Variants in LASP1 observed in about 807,000 individuals in gnomAD.
LASP1 encodes LIM and SH3 domain protein 1.
Under a neutral mutation model 38.6 loss-of-function variants are expected in LASP1, and 10 were observed. That is an observed-to-expected ratio of 0.26 (90% CI 0.16 to 0.44). The LOEUF (loss-of-function observed/expected upper bound fraction) is 0.44. Ranked by LOEUF, LASP1 falls within the 20% of genes least tolerant of loss-of-function variation. The probability of loss-of-function intolerance (pLI) is 1.00; values close to 1 mark genes in which losing one functional copy is unlikely to be tolerated. For missense variants in LASP1, 243 were observed against 375.7 expected, an observed-to-expected ratio of 0.65 and a Z score of 2.92; for synonymous variants, 132 against 140.8, an observed-to-expected ratio of 0.94 and a Z score of 0.44.
rs1598126749 is a variant in LASP1 at position 38,921,025 on chromosome 17, G to C, written c.*2247G>C. The stretch of plus-strand genomic sequence containing the variant: ...AAGCCAGTCATGGAATCTTGCTGCA[G>C]GCCCTCCCTCTACTCTTCCTGTCCT... On this transcript the variant is annotated 3_prime_UTR_variant, in exon 7 of 7. Transcript: ENST00000318008. The C allele has an allele frequency of 8.6e-6, 2 of 231,924 alleles. No individual in the cohort carries two copies. The highest frequency in any genetic ancestry group is 3.6e-4 in the South Asian group (2 of 5,512). 14.4% of individuals were successfully genotyped at this position (231,924 alleles called of 1,614,324 possible). A position where few individuals can be genotyped will look rare whatever the true frequency, so the allele number is the denominator to read the frequency against.
At chr17:38,898,938 G>A (rs1389555205) in intron 4 of LASP1, 12 of 361,258 alleles carry the variant, frequency 3.3e-5, no homozygotes, top group Non-Finnish European at 1.6e-5. Flanking sequence ...CCCTTCCTTG[G>A]CCTCCTCCCC....
chr17:38,887,324 G>A (rs980882804), intron 2 of LASP1, among the ~76,000 whole-genome samples: 4 of 152,008 alleles, frequency 2.6e-5, no homozygotes, highest in African/African-American at 4.8e-5. Flanking sequence ...GGGTCGTCTC[G>A]TCTCTGAAGC....
At chr17:38,899,789 G>A (rs1015707074) in intron 4 of LASP1, among the ~76,000 whole-genome samples, 2 of 141,832 alleles carry the variant, frequency 1.4e-5, no homozygotes, top group African/African-American at 2.6e-5. Flanking sequence ...CTGTTGCTCA[G>A]GCTGGAGTGC....
At chr17:38,905,408 C>T (rs970366940) in intron 4 of LASP1, among the ~76,000 whole-genome samples, 3 of 151,318 alleles carry the variant, frequency 2.0e-5, no homozygotes, top group East Asian at 1.9e-4. Flanking sequence ...CACTCGGTGG[C>T]GCAATCCCAG....
intron 3 of LASP1, among the ~76,000 whole-genome samples, chr17:38,892,699 G>A (rs1025159580): frequency 5.9e-5 from 9 of 152,220 alleles, no homozygotes; most frequent in Non-Finnish European, 1.2e-4. Context: ...GGGGTTTGAG[G>A]AGGAAGCACC....
chr17:38,881,847 A>G (rs969840545), intron 2 of LASP1, among the ~76,000 whole-genome samples: 4 of 152,222 alleles, frequency 2.6e-5, no homozygotes, highest in African/African-American at 9.7e-5. Context: ...GCTGGTCAAG[A>G]AAGAAGAAAG....
intron 1 of LASP1, among the ~76,000 whole-genome samples, chr17:38,871,812 GCACGAGGAAAGTTGTTGAT>G (rs1463940714): frequency 1.3e-5 from 2 of 152,048 alleles, no homozygotes; most frequent in African/African-American, 4.8e-5. Flanking sequence ...TATATTGTGG[GCACGAGGAAAGTTGTTGAT>G]CTCCCCATGA....
At chr17:38,906,357 G>A (rs1040981221) in intron 4 of LASP1, among the ~76,000 whole-genome samples, 9 of 151,702 alleles carry the variant, frequency 5.9e-5, no homozygotes, top group South Asian at 2.1e-4. Flanking sequence ...GCAAACCCCC[G>A]CGTCCACTAA....
intron 5 of LASP1, among the ~76,000 whole-genome samples, chr17:38,914,677 GACACAC>G (rs10599326): frequency 0.42 from 61,179 of 146,556 alleles, 12,779 homozygotes; most frequent in East Asian, 0.63. Context: ...GCGAGAGACA[GACACAC>G]ACACACACAC....
At chr17:38,892,931 C>T (rs1211939399) in intron 3 of LASP1, among the ~76,000 whole-genome samples, 1 of 152,186 alleles carries the variant, frequency 6.6e-6, no homozygotes, top group Non-Finnish European at 1.5e-5. Flanking sequence ...TAGGGCCTCA[C>T]TGAGGGCCAG....
chr17:38,875,530 C>A (rs530113684), intron 1 of LASP1, among the ~76,000 whole-genome samples: 2 of 152,134 alleles, frequency 1.3e-5, no homozygotes, highest in Admixed American at 6.6e-5. Context: ...AAGCTTAGAC[C>A]CGCCACTTCT....
intron 4 of LASP1, among the ~76,000 whole-genome samples, chr17:38,910,745 C>CA (rs1914915175): frequency 3.8e-5 from 1 of 26,268 alleles, no homozygotes. Flanking sequence ...TTTTTTTAAA[C>CA]AGAGTCTCAG....
chr17:38,872,127 C>T (rs1272847172), intron 1 of LASP1, among the ~76,000 whole-genome samples: 1 of 152,130 alleles, frequency 6.6e-6, no homozygotes, highest in Non-Finnish European at 1.5e-5. Context: ...CTGCTCCCAC[C>T]AGTTTTATGA....
At position 38,918,619 on chromosome 17, in the gene LASP1, G is replaced by T. The variant is rs374865883; in HGVS notation, c.627G>T (p.Ala209=). 2.9e-5 allele frequency: 47 copies of T among 1,600,274 alleles called. No individual in the cohort carries two copies. Among genetic ancestry groups the T allele is most frequent in the Non-Finnish European group, 3.9e-5 (46 of 1,169,550 alleles). Residue 209 remains alanine, a synonymous_variant, in exon 7 of 7, where the codon GCG becomes GCT. Coordinates refer to ENST00000318008, the MANE Select transcript of LASP1 (RefSeq NM_006148.4). The surrounding 1 kb of genome is among the most constrained non-coding windows in gnomAD (Gnocchi z 4.4). ...TTCCCCCACAGAAGCGGTACCGCGC[G>T]GTGTATGACTACAGCGCCGCCGACG... ...APGGGGKRYR[A]VYDYSAADED... is the part of the protein sequence containing the mutation.
intron 2 of LASP1, among the ~76,000 whole-genome samples, chr17:38,889,803 C>T (rs1043181508): frequency 1.3e-5 from 2 of 152,184 alleles, no homozygotes; most frequent in Non-Finnish European, 2.9e-5. Context: ...CTGTCACCCT[C>T]AGGTGACCTC....
At chr17:38,881,374 T>C (rs572217012) in intron 2 of LASP1, among the ~76,000 whole-genome samples, 2 of 152,116 alleles carry the variant, frequency 1.3e-5, no homozygotes, top group East Asian at 3.9e-4. Flanking sequence ...CCTCCTGGGT[T>C]TAAGTGATCC....
At chr17:38,912,819 T>C (rs985569526) in intron 4 of LASP1, among the ~76,000 whole-genome samples, 2 of 152,140 alleles carry the variant, frequency 1.3e-5, no homozygotes, top group Non-Finnish European at 2.9e-5. Flanking sequence ...TCTAACTCAG[T>C]TGGCTAAGAG....
chr17:38,912,023 AC>A (rs1914966273), intron 4 of LASP1, among the ~76,000 whole-genome samples: 1 of 152,152 alleles, frequency 6.6e-6, no homozygotes, highest in African/African-American at 2.4e-5. Context: ...CGAACTCCTG[AC>A]CTCAAGTGAC....
chr17:38,881,082 C>A (rs1368251965), intron 2 of LASP1, among the ~76,000 whole-genome samples: 1 of 151,926 alleles, frequency 6.6e-6, no homozygotes, highest in East Asian at 1.9e-4. Flanking sequence ...GTCTGAGCGA[C>A]AGAGCGAGAC....
Sources: gnomAD v4.1 joint callset for allele counts (sites outside exome capture counted in the v4.1 genomes callset) on GRCh38, gnomAD v4.1.1 for gene constraint, Gnocchi (gnomAD v3.1) non-coding constraint, MANE v1.5 for transcripts, NCBI Gene and HGNC (gene_info 2026-07-23, HGNC 2026-07-21) for gene names.